Variants in FBXO38 observed in about 807,000 individuals in gnomAD.
FBXO38 encodes the protein F-box only protein 38.
A neutral mutation model predicts 131.9 loss-of-function variants in FBXO38; 53 were observed. The ratio of observed to expected loss-of-function variants is 0.40; its 90% CI spans 0.32 to 0.51. FBXO38 has a LOEUF of 0.51. FBXO38 is among the 20% of genes least tolerant of loss of function. FBXO38 has a pLI of 0.53. For missense variants in FBXO38, 1,076 were observed against 1,475.6 expected (o/e 0.73, Z 4.44); for synonymous variants, 452 against 505.6 (o/e 0.89, Z 1.42).
intron 7 of FBXO38, among the ~76,000 whole-genome samples, chr5:148,406,679 T>C (rs1187250060): frequency 4.6e-5 from 7 of 152,184 alleles, no homozygotes. Context: ...ATGTATGGAA[T>C]CTTTCTTAGA....
intron 1 of FBXO38, chr5:148,384,860 T>G (rs1029825945): frequency 1.3e-5 from 2 of 152,196 alleles, no homozygotes; most frequent in South Asian, 4.1e-4. Context: ...GCAGTGTAAA[T>G]CACTACAAAG....
rs144172824 is a variant in FBXO38, at chr5:148,438,459, C to G, written c.2985C>G (p.Pro995=). ...TAGACCAGATACTAAGAATGCCACC[C>G]GAGAGAAACCGCATCATATACCTAC... The part of the protein sequence containing the change: ...QVLDQILRMP[P]ERNRIIYLRP... The change falls in exon 18 of 22, where the codon CCC becomes CCG. Residue 995 remains proline (P), a synonymous_variant. Transcript: ENST00000340253. 12 of 1,613,750 alleles carry G rather than the reference C, an allele frequency of 7.4e-6. No homozygotes were observed. Among genetic ancestry groups the G allele is most frequent in the South Asian group, 1.1e-5 (1 of 91,070 alleles).
intron 7 of FBXO38, 82 bp from the exon 8 acceptor site, chr5:148,409,042 A>G (rs1195249836): frequency 1.4e-6 from 1 of 735,406 alleles, no homozygotes; most frequent in South Asian, 1.7e-5. Context: ...ATCATCTCAG[A>G]TAATACTTTA....
At chr5:148,422,955 T>G (rs951435054) in intron 12 of FBXO38, among the ~76,000 whole-genome samples, 4 of 143,254 alleles carry the variant, frequency 2.8e-5, no homozygotes, top group East Asian at 4.2e-4. Context: ...ATAACTGGTT[T>G]GTTTGTTTGT....
At chr5:148,413,079 A>C (rs765939874) in intron 9 of FBXO38, among the ~76,000 whole-genome samples, 2 of 152,140 alleles carry the variant, frequency 1.3e-5, no homozygotes, top group Non-Finnish European at 2.9e-5. Context: ...GAAAATGGTA[A>C]GTTTCATCTG....
chr5:148,430,482 C>T (rs1203751525), intron 15 of FBXO38: 1 of 152,164 alleles, frequency 6.6e-6, no homozygotes, highest in Admixed American at 6.6e-5. Context: ...AGGCGCCTAT[C>T]ACCATGCCTG....
In FBXO38 at chr5:148,428,104, G is replaced by A. The variant is rs187345627; in HGVS notation, c.2653+157G>A. On this transcript the variant is annotated intron_variant, in intron 15 of 21. Transcript: ENST00000340253. ...GAATTTTGAACTAATTTCAGCAATG[G>A]TTTGGAGGGTGGGTGTGTAAAACAG... Among the ~76,000 whole-genome samples the A allele has an allele frequency of 1.8e-3, 280 of 152,306 alleles. 3 individuals are homozygous for A. In the South Asian group the frequency reaches 0.022, roughly 12 times the overall value.
Position 148,394,773 on chromosome 5 carries a change from A to C in FBXO38, c.-4A>C, listed in dbSNP as rs774724977. 6.4e-7 allele frequency: 1 copy of C among 1,558,826 alleles called. No homozygotes were observed. The highest frequency in any genetic ancestry group is 8.7e-7 in the Non-Finnish European group (1 of 1,154,188). On this transcript the variant is annotated 5_prime_UTR_variant, in exon 2 of 22. Coordinates refer to ENST00000340253, the MANE Select transcript of FBXO38 (RefSeq NM_205836.3). ...TTCTCGTTGATACTGGAGACTGCAC[A>C]ACAATGGGGCCACGAAAGAAAAGTG... is the stretch of plus-strand genomic sequence containing the variant.
chr5:148,387,144 G>A (rs1299212552), intron 1 of FBXO38, among the ~76,000 whole-genome samples: 1 of 152,096 alleles, frequency 6.6e-6, no homozygotes. Context: ...ACTCACAGTA[G>A]AACTTCTTTC....
chr5:148,417,420 A>G (rs1478783182), intron 12 of FBXO38, among the ~76,000 whole-genome samples: 1 of 152,168 alleles, frequency 6.6e-6, no homozygotes, highest in Non-Finnish European at 1.5e-5. Flanking sequence ...AAGAATACCT[A>G]CAGAATGGGA....
chr5:148,401,284 T>C (rs1004086872), intron 3 of FBXO38, among the ~76,000 whole-genome samples: 2 of 152,174 alleles, frequency 1.3e-5, no homozygotes, highest in Non-Finnish European at 2.9e-5. Context: ...GTAACCTGCC[T>C]CTCTCTGTTC....
At chr5:148,402,272 A>T in intron 4 of FBXO38, 76 bp from the exon 5 acceptor site, 1 of 1,547,076 alleles carries the variant, frequency 6.5e-7, no homozygotes, top group Non-Finnish European at 8.8e-7. Flanking sequence ...TTGTGTACTT[A>T]GCATCTTGTG....
At chr5:148,430,693 C>T (rs2113640069) in intron 15 of FBXO38, 1 of 152,192 alleles carries the variant, frequency 6.6e-6, no homozygotes, top group South Asian at 2.1e-4. Context: ...AAGGAAGAAA[C>T]TTGAATGTTA....
rs77480566 is a variant in FBXO38, at chr5:148,394,863, T to C, written c.87T>C (p.Tyr29=). 6,008 of 1,599,796 alleles carry C rather than the reference T, an allele frequency of 3.8e-3. 16 individuals carry two copies. Among genetic ancestry groups the C allele is most frequent in the Non-Finnish European group, 4.6e-3 (5,359 of 1,173,762 alleles). Residue 29 remains tyrosine (Y), a synonymous_variant, in exon 2 of 22, where the codon TAT becomes TAC. Transcript: ENST00000340253. ...TGACAGCAGATGAAACAAAGGACTATATGAATCAACTTTCACATGAAGTAC... is the reference window on the plus strand; with the variant it reads ...TGACAGCAGATGAAACAAAGGACTACATGAATCAACTTTCACATGAAGTAC... ...EEMTADETKD[Y]MNQLSHEVLC...
At chr5:148,412,922 G>A (rs1290087213) in intron 9 of FBXO38, among the ~76,000 whole-genome samples, 18 of 152,074 alleles carry the variant, frequency 1.2e-4, no homozygotes, top group Admixed American at 1.2e-3. Flanking sequence ...TGAAAGGAGT[G>A]TGTCAAGCAG....
chr5:148,441,267 T>C, intron 21 of FBXO38, 30 bp downstream of exon 21: 1 of 1,518,902 alleles, frequency 6.6e-7, no homozygotes, highest in South Asian at 1.1e-5. Context: ...ACATCTATTC[T>C]CTAGTTTAAG....
intron 1 of FBXO38, among the ~76,000 whole-genome samples, chr5:148,390,913 A>G (rs1438782071): frequency 6.6e-6 from 1 of 152,226 alleles, no homozygotes; most frequent in East Asian, 1.9e-4. Flanking sequence ...GGGATTAAAA[A>G]AAAGCTTTTT....
At chr5:148,424,154 A>G (rs753480435) in intron 13 of FBXO38, 37 bp downstream of exon 13, 1 of 1,588,922 alleles carries the variant, frequency 6.3e-7, no homozygotes, top group South Asian at 1.1e-5. Context: ...ATCATTCTGA[A>G]ACTACGGCCT....
chr5:148,422,503 A>C (rs1753499631), intron 12 of FBXO38, among the ~76,000 whole-genome samples: 1 of 152,194 alleles, frequency 6.6e-6, no homozygotes, highest in African/African-American at 2.4e-5. Flanking sequence ...ATAAGGCATT[A>C]CTATCTGATG....
Sources: allele counts gnomAD v4.1 joint callset (sites outside exome capture counted in the v4.1 genomes callset), GRCh38; gene constraint gnomAD v4.1.1; transcripts MANE v1.5; gene names NCBI Gene and HGNC (gene_info 2026-07-23, HGNC 2026-07-21).